The following GLIS3 variants were observed in gnomAD, a reference collection of about 807,000 sequenced individuals.
GLIS3 encodes zinc finger protein GLIS3.
Under a neutral mutation model 78.6 loss-of-function variants are expected in GLIS3, and 53 were observed. The observed-to-expected ratio is 0.67, with a 90% CI of 0.54 to 0.85. The LOEUF (loss-of-function observed/expected upper bound fraction) is 0.85. Among genes scored for constraint, GLIS3 ranks in the 40% least tolerant of loss-of-function variants. GLIS3 has a pLI of 0.00. For missense variants in GLIS3, 1,703 were observed against 1,231.1 expected (o/e 1.38, Z -5.74); for synonymous variants, 684 against 509.9 (o/e 1.34, Z -4.60).
At chr9:4,037,860 G>T (rs535003998) in intron 4 of GLIS3, among the ~76,000 whole-genome samples, 1 of 151,954 alleles carries the variant, frequency 6.6e-6, no homozygotes, top group South Asian at 2.1e-4. Context: ...TATTATGACA[G>T]CTGTGGAGAA....
intron 3 of GLIS3, among the ~76,000 whole-genome samples, chr9:4,121,696 T>A (rs1321636928): frequency 6.6e-6 from 1 of 151,896 alleles, no homozygotes; most frequent in East Asian, 1.9e-4. Context: ...AGTGAAGCTG[T>A]GCTTGATAGG....
rs1304751471 is a variant in GLIS3 at position 4,055,214 on chromosome 9, T to G, written c.1710+62554A>C. 3.3e-5 allele frequency among the ~76,000 whole-genome samples: 5 copies of G among 152,234 alleles called. No individual in the cohort carries two copies. In the East Asian group the frequency reaches 7.7e-4, roughly 24 times the overall value. ...GTTGTCATTCTTGACATCAATAGAGTTGGCAAGAGCCTCTATTTTCTCTTT... is the reference window on the plus strand; with the variant it reads ...GTTGTCATTCTTGACATCAATAGAGGTGGCAAGAGCCTCTATTTTCTCTTT... On this transcript the variant is annotated intron_variant, in intron 4 of 10. Transcript: ENST00000381971.
At chr9:4,216,347 C>A (rs1055894608) in intron 2 of GLIS3, among the ~76,000 whole-genome samples, 1 of 151,830 alleles carries the variant, frequency 6.6e-6, no homozygotes, top group Non-Finnish European at 1.5e-5. Context: ...GTGGCGGGTG[C>A]CTGTAGTCCG....
chr9:4,367,762 T>C, the GLIS3 span, among the ~76,000 whole-genome samples: 1 of 151,458 alleles, frequency 6.6e-6, no homozygotes, highest in African/African-American at 2.4e-5. Context: ...TTTGAAGAAG[T>C]AGCAAATTCT....
chr9:4,174,292 T>C (rs1209883668), intron 2 of GLIS3, among the ~76,000 whole-genome samples: 2 of 152,188 alleles, frequency 1.3e-5, no homozygotes, highest in Admixed American at 1.3e-4. Flanking sequence ...ACTTAAAACA[T>C]AACCTGTGAA....
At chr9:4,432,420 G>T in the GLIS3 span, among the ~76,000 whole-genome samples, 1 of 152,186 alleles carries the variant, frequency 6.6e-6, no homozygotes, top group Non-Finnish European at 1.5e-5. Flanking sequence ...CTGAGTAAGC[G>T]CATGTAGTTC....
chr9:4,398,333 T>G, the GLIS3 span, among the ~76,000 whole-genome samples: 2 of 152,040 alleles, frequency 1.3e-5, no homozygotes, highest in African/African-American at 4.8e-5. Context: ...GGAATCTTAT[T>G]AGGAATGCAG....
the GLIS3 span, among the ~76,000 whole-genome samples, chr9:4,407,591 G>A: frequency 6.6e-6 from 1 of 152,240 alleles, no homozygotes; most frequent in Non-Finnish European, 1.5e-5. Context: ...AGCTTGCGGT[G>A]AGCCGAGATC....
chr9:4,480,030 G>A, the GLIS3 span, among the ~76,000 whole-genome samples: 2 of 150,006 alleles, frequency 1.3e-5, no homozygotes, highest in African/African-American at 2.5e-5. Context: ...GCTGAGTGCT[G>A]GGATTGTAGG....
At chr9:4,417,711 T>C in the GLIS3 span, among the ~76,000 whole-genome samples, 1 of 152,224 alleles carries the variant, frequency 6.6e-6, no homozygotes. Flanking sequence ...AAAAAGGTCA[T>C]CTAATGTTAC....
intron 4 of GLIS3, among the ~76,000 whole-genome samples, chr9:4,013,535 C>T (rs547341169): frequency 6.6e-6 from 1 of 152,220 alleles, no homozygotes; most frequent in African/African-American, 2.4e-5. Context: ...CACATCTATA[C>T]ATTTATAGCC....
the GLIS3 span, among the ~76,000 whole-genome samples, chr9:4,479,827 A>T: frequency 6.6e-6 from 1 of 151,978 alleles, no homozygotes; most frequent in African/African-American, 2.4e-5. Context: ...TAGAGAGAGA[A>T]AACAGGACCA....
chr9:4,356,133 G>A, the GLIS3 span, among the ~76,000 whole-genome samples: 1 of 152,118 alleles, frequency 6.6e-6, no homozygotes, highest in Non-Finnish European at 1.5e-5. Context: ...TCTTTTCCTT[G>A]TAATGATGGG....
chr9:4,125,258 A>G (rs1348407107), intron 3 of GLIS3, among the ~76,000 whole-genome samples: 1 of 152,238 alleles, frequency 6.6e-6, no homozygotes, highest in Non-Finnish European at 1.5e-5. Context: ...TGCAGACAGT[A>G]GGAACTTAAC....
intron 2 of GLIS3, among the ~76,000 whole-genome samples, chr9:4,126,845 C>T (rs1057223639): frequency 6.6e-6 from 1 of 152,156 alleles, no homozygotes. Context: ...TTCTAGCAAA[C>T]AAAAATATAT....
Position 3,845,180 on chromosome 9 carries a change from G to A in GLIS3, c.2473+10829C>T, listed in dbSNP as rs532661479. ...AAATGAAAAAAATGTTCATCAATAA[G>A]GGAATGATTTAAAAAATGATGACCT... is the stretch of plus-strand genomic sequence containing the variant. On this transcript the variant is annotated intron_variant, in intron 9 of 10. Transcript: ENST00000381971. Among the ~76,000 whole-genome samples the A allele has an allele frequency of 2.0e-5, 3 of 152,116 alleles. No individual in the cohort carries two copies. In the South Asian group the frequency reaches 6.2e-4, roughly 32 times the overall value.
At chr9:3,837,280 C>G (rs181918733) in intron 9 of GLIS3, among the ~76,000 whole-genome samples, 15 of 152,284 alleles carry the variant, frequency 9.9e-5, no homozygotes, top group African/African-American at 2.9e-4. Flanking sequence ...AGTGATAACA[C>G]CAAATGCTGG....
At chr9:4,034,935 T>C (rs1470740069) in intron 4 of GLIS3, 1 of 152,144 alleles carries the variant, frequency 6.6e-6, no homozygotes. Flanking sequence ...TCATATTCTC[T>C]TGTAGTAGCA....
intron 2 of GLIS3, among the ~76,000 whole-genome samples, chr9:4,338,712 T>C (rs955081633): frequency 5.3e-5 from 8 of 152,186 alleles, no homozygotes; most frequent in South Asian, 2.1e-4. Flanking sequence ...GATTGGTTCC[T>C]GTAGCCAGCC....
Sources: allele counts gnomAD v4.1 joint callset (sites outside exome capture counted in the v4.1 genomes callset), GRCh38; gene constraint gnomAD v4.1.1; transcripts MANE v1.5; gene names NCBI Gene and HGNC (gene_info 2026-07-23, HGNC 2026-07-21).